XRN1: variants seen among roughly 807,000 people sequenced by gnomAD.
XRN1 encodes strand-exchange protein 1 homolog.
A neutral mutation model predicts 222.3 loss-of-function variants in XRN1; 67 were observed. The observed-to-expected ratio is 0.30, with a 90% CI of 0.25 to 0.37. The LOEUF (loss-of-function observed/expected upper bound fraction) is 0.37. Among genes scored for constraint, XRN1 ranks in the 10% least tolerant of loss-of-function variants. XRN1 has a pLI of 1.00. For synonymous variants in XRN1, 643 were observed against 652.4 expected, an observed-to-expected ratio of 0.99 and a Z score of 0.22; for missense variants, 1,707 against 2,000.2, an observed-to-expected ratio of 0.85 and a Z score of 2.80.
chr3:142,312,670 A>T lies in XRN1; in HGVS notation c.4710T>A (p.Thr1570=). Residue 1570 remains threonine, a synonymous_variant, in exon 40 of 41, where the codon ACT becomes ACA. Transcript: ENST00000392981. ...CCATGGGCATGGTCCCAGAATATAAAGTATGATGGAAGGGCTTCCCAGGAA... is the reference window on the plus strand; with the variant it reads ...CCATGGGCATGGTCCCAGAATATAATGTATGATGGAAGGGCTTCCCAGGAA... ...VPVPGKPFHH[T]LYSGTMPMAG... The T allele has an allele frequency of 1.2e-6, 2 of 1,613,984 alleles. No individual in the cohort carries two copies. The highest frequency in any genetic ancestry group is 1.7e-6 in the Non-Finnish European group (2 of 1,179,838).
intron 22 of XRN1, among the ~76,000 whole-genome samples, chr3:142,381,717 C>T (rs2067311915): frequency 6.6e-6 from 1 of 151,980 alleles, no homozygotes. Context: ...CATGCATATG[C>T]CACCATACCC....
At chr3:142,354,337 T>C (rs2066401505) in intron 32 of XRN1, among the ~76,000 whole-genome samples, 1 of 152,162 alleles carries the variant, frequency 6.6e-6, no homozygotes, top group African/African-American at 2.4e-5. Flanking sequence ...GGAATGTAAA[T>C]TAGTTCAGCC....
chr3:142,443,593 C>T (rs1401532647), intron 1 of XRN1, among the ~76,000 whole-genome samples: 1 of 152,180 alleles, frequency 6.6e-6, no homozygotes, highest in East Asian at 1.9e-4. Context: ...CTTCGGGTCC[C>T]CTCCTTTTGT....
At position 142,383,379 on chromosome 3, in the gene XRN1, A is replaced by G. The variant is rs1223893454; in HGVS notation, c.2537T>C (p.Ile846Thr). The G allele has an allele frequency of 1.2e-6, 2 of 1,614,046 alleles. No homozygotes were observed. The highest frequency in any genetic ancestry group is 4.5e-5 in the East Asian group (2 of 44,864). ...IRAFDSRFSNIKTLDDLFPLR... is the reference protein window; with the variant it reads ...IRAFDSRFSNTKTLDDLFPLR... ...AGGAAACAAATCATCCAATGTTTTG[A>G]TATTGGAGAAACGGGAGTCGAAAGC... The change falls in exon 22 of 41, where the codon ATC becomes ACC. Residue 846 changes from isoleucine to threonine, a missense_variant. Ile to Thr is a moderately conservative substitution (Grantham distance 89). Transcript: ENST00000392981.
At chr3:142,404,460 T>C (rs2068268493) in intron 16 of XRN1, among the ~76,000 whole-genome samples, 1 of 152,116 alleles carries the variant, frequency 6.6e-6, no homozygotes, top group Non-Finnish European at 1.5e-5. Flanking sequence ...AAAAGGAAGA[T>C]ATTTTCATGA....
intron 19 of XRN1, among the ~76,000 whole-genome samples, chr3:142,397,868 G>T (rs751716025): frequency 9.9e-5 from 15 of 152,278 alleles, no homozygotes; most frequent in African/African-American, 1.4e-4. Context: ...TGAGGTAACA[G>T]ATAATTTGAA....
chr3:142,352,119 C>T (rs935151886), intron 32 of XRN1, among the ~76,000 whole-genome samples: 3 of 152,188 alleles, frequency 2.0e-5, no homozygotes, highest in African/African-American at 7.2e-5. Flanking sequence ...TCATCCTTGG[C>T]CTAAATTAAC....
intron 37 of XRN1, among the ~76,000 whole-genome samples, chr3:142,319,197 T>G (rs1034634411): frequency 3.3e-5 from 5 of 152,204 alleles, no homozygotes; most frequent in African/African-American, 1.2e-4. Context: ...TTCTGCCTCT[T>G]TTTGTAAATA....
chr3:142,349,982 T>C (rs570368925), intron 32 of XRN1, among the ~76,000 whole-genome samples: 36 of 152,118 alleles, frequency 2.4e-4, no homozygotes, highest in African/African-American at 8.4e-4. Context: ...GCATTCTAAG[T>C]GGAAGGAACA....
rs769469465 is a variant in XRN1 at position 142,332,373 on chromosome 3, A to G, written c.4222+2T>C. ...ATTGGTAATAGTATTTAGTTTACTT[A>G]CCTAATTTCTTATTTTGTTTAGGCT... On this transcript the variant is annotated splice_donor_variant, in intron 36 of 40. Coordinates refer to ENST00000392981, the MANE Select transcript of XRN1 (RefSeq NM_001282857.2). LOFTEE classifies it high-confidence loss of function. 7.0e-6 allele frequency: 11 copies of G among 1,580,756 alleles called. No individual in the cohort carries two copies. In the African/African-American group the frequency reaches 1.5e-4, roughly 22 times the overall value.
At chr3:142,312,819 T>A in intron 39 of XRN1, 61 bp from the exon 40 acceptor site, 1 of 1,519,364 alleles carries the variant, frequency 6.6e-7, no homozygotes, top group Non-Finnish European at 8.9e-7. Flanking sequence ...GCTCTGAAAT[T>A]TGAGACCTCC....
At chr3:142,329,037 C>T (rs1418129003) in intron 37 of XRN1, among the ~76,000 whole-genome samples, 1 of 151,846 alleles carries the variant, frequency 6.6e-6, no homozygotes, top group East Asian at 1.9e-4. Context: ...GAGTTACAGG[C>T]ATGACCCATT....
intron 34 of XRN1, 75 bp from the exon 35 acceptor site, chr3:142,333,164 C>T (rs910781888): frequency 2.1e-6 from 3 of 1,462,044 alleles, no homozygotes; most frequent in Non-Finnish European, 2.7e-6. Flanking sequence ...GTTTTATGTA[C>T]AAAAATGGTC....
chr3:142,330,341 G>GT (rs1385450299), intron 36 of XRN1, among the ~76,000 whole-genome samples: 1 of 151,830 alleles, frequency 6.6e-6, no homozygotes, highest in Non-Finnish European at 1.5e-5. Flanking sequence ...TTTCTTAAAA[G>GT]TTTTTTTTGA....
At chr3:142,440,269 G>A (rs1439650338) in intron 1 of XRN1, among the ~76,000 whole-genome samples, 1 of 152,138 alleles carries the variant, frequency 6.6e-6, no homozygotes, top group Admixed American at 6.5e-5. Context: ...TGTGACTGGG[G>A]AACTTTACTC....
At chr3:142,428,089 T>C (rs2069336801) in intron 2 of XRN1, among the ~76,000 whole-genome samples, 1 of 152,124 alleles carries the variant, frequency 6.6e-6, no homozygotes, top group South Asian at 2.1e-4. Flanking sequence ...TCTTGGGATA[T>C]AACAAAAGAG....
intron 1 of XRN1, among the ~76,000 whole-genome samples, chr3:142,438,207 G>A (rs1346814298): frequency 4.6e-5 from 7 of 152,154 alleles, no homozygotes; most frequent in Admixed American, 2.0e-4. Context: ...CAAGAAAGGC[G>A]GGAAAACAGG....
In XRN1 at chr3:142,355,441, G is replaced by T. The variant is rs1003113584; in HGVS notation, c.3728C>A (p.Ser1243Tyr). 1 of 1,593,598 alleles carries T rather than the reference G, an allele frequency of 6.3e-7. No homozygotes were observed. Residue 1243 changes from serine to tyrosine, a missense_variant, in exon 32 of 41, where the codon TCT becomes TAT. This residue lies in a region of XRN1 where 1,234 missense variants were observed against 1,518.2 expected (regional missense o/e 0.81). Transcript: ENST00000392981. ...TGGCTGAAAGTATTGCATCTTTCCA[G>T]ATCCCTGTAAGGACTGCCAAATGTT... Reference protein sequence around the residue: ...FCNIWQSLQGSGKMQYFQPTI... With the variant: ...FCNIWQSLQGYGKMQYFQPTI...
At position 142,391,685 on chromosome 3, in the gene XRN1, G is replaced by A. The variant is rs2067718096; in HGVS notation, c.2339+5644C>T. On this transcript the variant is annotated intron_variant, in intron 20 of 40. Transcript: ENST00000392981. ...TCCAGGTTGTGGTGAGGTATAATAT[G>A]AATGTGCCACTGCACTCCACCCTGA... is the stretch of plus-strand genomic sequence containing the variant. Among the ~76,000 whole-genome samples the A allele has an allele frequency of 2.0e-5, 3 of 146,834 alleles. No homozygotes were observed. The Admixed American group carries it at 2.1e-4, about 10-fold the overall frequency.
Sources: gnomAD v4.1 joint callset for allele counts (sites outside exome capture counted in the v4.1 genomes callset) on GRCh38, gnomAD v4.1.1 for gene constraint, gnomAD v4.1.1 regional missense constraint, MANE v1.5 for transcripts, NCBI Gene and HGNC (gene_info 2026-07-23, HGNC 2026-07-21) for gene names.